Variants in RSBN1L observed in about 807,000 individuals in gnomAD.
RSBN1L encodes the protein round spermatid basic protein 1 like, also known as lysine-specific demethylase RSBN1L.
RSBN1L carries 30 observed loss-of-function variants against 67.7 expected under a neutral mutation model. That is an observed-to-expected ratio of 0.44 (90% confidence interval 0.33 to 0.60). The LOEUF (loss-of-function observed/expected upper bound fraction) is 0.60, where lower values mean the gene tolerates loss of function less well. Among genes scored for constraint, RSBN1L ranks in the 20% least tolerant of loss-of-function variants. The pLI is 0.02. For missense variants in RSBN1L, 992 were observed against 1,031.7 expected, an observed-to-expected ratio of 0.96 and a Z score of 0.53; for synonymous variants, 433 against 387.0, an observed-to-expected ratio of 1.12 and a Z score of -1.39.
chr7:77,727,798 C>T (rs925295711), intron 1 of RSBN1L, among the ~76,000 whole-genome samples: 7 of 152,034 alleles, frequency 4.6e-5, no homozygotes, highest in Non-Finnish European at 1.0e-4. Context: ...AGCTTCTTTC[C>T]TTTTTAATAA....
chr7:77,715,517 C>T (rs1791036707), intron 1 of RSBN1L, among the ~76,000 whole-genome samples: 1 of 151,936 alleles, frequency 6.6e-6, no homozygotes, highest in African/African-American at 2.4e-5. Context: ...CCATGTTGGC[C>T]AGGAAGGTCT....
chr7:77,717,624 A>G (rs1002438231), intron 1 of RSBN1L, among the ~76,000 whole-genome samples: 7 of 152,206 alleles, frequency 4.6e-5, no homozygotes, highest in Admixed American at 1.3e-4. Context: ...CCTCCAAACA[A>G]TGTAGCAGGA....
rs193050468 is a variant in RSBN1L, at chr7:77,736,011, C to T, written c.587-399C>T. On this transcript the variant is annotated intron_variant, in intron 1 of 7. Transcript: ENST00000334955. The stretch of plus-strand genomic sequence containing the variant: ...TGAGGAAGGTATCAATTACCATTTA[C>T]AGATTAGGAAACTGAGATCAAGTAA... 4.6e-3 allele frequency among the ~76,000 whole-genome samples: 696 copies of T among 152,192 alleles called. 3 individuals are homozygous for T. The highest frequency in any genetic ancestry group is 4.8e-3 in the Non-Finnish European group (326 of 67,956).
intron 1 of RSBN1L, among the ~76,000 whole-genome samples, chr7:77,735,625 G>A (rs886367859): frequency 1.3e-5 from 2 of 152,096 alleles, no homozygotes; most frequent in Admixed American, 1.3e-4. Context: ...CACAGTTCTT[G>A]TATACTTCCA....
At chr7:77,726,776 ATTTTT>A (rs35354992) in intron 1 of RSBN1L, among the ~76,000 whole-genome samples, 7 of 112,306 alleles carry the variant, frequency 6.2e-5, no homozygotes, top group Non-Finnish European at 8.7e-5. Flanking sequence ...CACCCAGCTA[ATTTTT>A]TTTTTTTTTT....
chr7:77,764,853 G>A (rs1791741777), intron 3 of RSBN1L, among the ~76,000 whole-genome samples: 1 of 152,074 alleles, frequency 6.6e-6, no homozygotes, highest in Non-Finnish European at 1.5e-5. Flanking sequence ...GGATGGTCTT[G>A]ATCTCCTGAC....
chr7:77,728,261 G>C (rs1160901652), intron 1 of RSBN1L, among the ~76,000 whole-genome samples: 1 of 152,076 alleles, frequency 6.6e-6, no homozygotes, highest in Non-Finnish European at 1.5e-5. Flanking sequence ...ATTTTTGCTT[G>C]TCTGAATATG....
chr7:77,759,573 C>T (rs1791670814), intron 3 of RSBN1L: 1 of 152,084 alleles, frequency 6.6e-6, no homozygotes, highest in Non-Finnish European at 1.5e-5. Context: ...CTCTCCTCCC[C>T]ACCCGCTAAA....
At chr7:77,710,124 C>G (rs1318840679) in intron 1 of RSBN1L, among the ~76,000 whole-genome samples, 2 of 152,180 alleles carry the variant, frequency 1.3e-5, no homozygotes, top group Non-Finnish European at 2.9e-5. Context: ...ACCATTATCT[C>G]TTGCCAGGAT....
rs146851321 is a variant in RSBN1L, at chr7:77,762,799, C to G, written c.1345-2696C>G. Among the ~76,000 whole-genome samples, 1,026 of 152,206 alleles carry G rather than the reference C, an allele frequency of 6.7e-3. 7 individuals are homozygous for G. The highest frequency in any genetic ancestry group is 0.012 in the Non-Finnish European group (795 of 68,018). On this transcript the variant is annotated intron_variant, in intron 3 of 7. Coordinates refer to ENST00000334955, the MANE Select transcript of RSBN1L (RefSeq NM_198467.3). Reference sequence around the variant, plus strand: ...TCTGATTATTATATTATCTCCTACTCTCTATAATTTAATAATGTTATAGTT... The same window carrying G: ...TCTGATTATTATATTATCTCCTACTGTCTATAATTTAATAATGTTATAGTT...
intron 1 of RSBN1L, among the ~76,000 whole-genome samples, chr7:77,699,796 ATTTT>A (rs374246949): frequency 7.0e-6 from 1 of 142,692 alleles, no homozygotes; most frequent in Non-Finnish European, 1.5e-5. Flanking sequence ...AACAGTTTAG[ATTTT>A]TTTTTTTTTT....
At chr7:77,707,587 A>G (rs912025281) in intron 1 of RSBN1L, among the ~76,000 whole-genome samples, 1 of 152,212 alleles carries the variant, frequency 6.6e-6, no homozygotes, top group Admixed American at 6.5e-5. Flanking sequence ...TATAGAAAGC[A>G]GATGTCCTGG....
intron 1 of RSBN1L, among the ~76,000 whole-genome samples, chr7:77,727,850 G>T (rs1008230915): frequency 1.3e-5 from 2 of 152,092 alleles, no homozygotes; most frequent in African/African-American, 4.8e-5. Context: ...TGCTTATAAT[G>T]ACTCTGCAAA....
Position 77,778,637 on chromosome 7 carries a change from T to C in RSBN1L, c.2010T>C (p.Asn670=). 2 of 1,614,108 alleles carry C rather than the reference T, an allele frequency of 1.2e-6. No individual in the cohort carries two copies. Among genetic ancestry groups the C allele is most frequent in the Non-Finnish European group, 1.7e-6 (2 of 1,180,008 alleles). The change falls in exon 8 of 8, where the codon AAT becomes AAC. Residue 670 remains asparagine, a synonymous_variant. Coordinates refer to ENST00000334955, the MANE Select transcript of RSBN1L (RefSeq NM_198467.3). Reference sequence around the variant, plus strand: ...ATGACATTTATTTTATTCCAAGGAATGTTGTTCATCAGTTCAAGACAGTTT... The same window carrying C: ...ATGACATTTATTTTATTCCAAGGAACGTTGTTCATCAGTTCAAGACAGTTT... ...YDNDIYFIPR[N]VVHQFKTVSA...
chr7:77,732,741 G>T (rs1320211127), intron 1 of RSBN1L, among the ~76,000 whole-genome samples: 1 of 152,148 alleles, frequency 6.6e-6, no homozygotes, highest in Non-Finnish European at 1.5e-5. Context: ...TGGGATTATG[G>T]ATACCAATAT....
chr7:77,697,686 C>A (rs1056364064), intron 1 of RSBN1L, among the ~76,000 whole-genome samples: 1 of 152,192 alleles, frequency 6.6e-6, no homozygotes, highest in Non-Finnish European at 1.5e-5. Flanking sequence ...TGAAATACCA[C>A]CCTTCTGAAA....
chr7:77,703,102 ATTCAT>A (rs1012437272), intron 1 of RSBN1L, among the ~76,000 whole-genome samples: 1 of 152,196 alleles, frequency 6.6e-6, no homozygotes, highest in Non-Finnish European at 1.5e-5. Flanking sequence ...AAGTCTTGTC[ATTCAT>A]TTCATAAGTT....
At chr7:77,775,745 A>G (rs1024463566) in intron 6 of RSBN1L, among the ~76,000 whole-genome samples, 3 of 152,202 alleles carry the variant, frequency 2.0e-5, no homozygotes, top group Middle Eastern at 3.4e-3. Context: ...ATGAATTTTT[A>G]TATGTCCACT....
chr7:77,703,217 C>T (rs1038965171), intron 1 of RSBN1L, among the ~76,000 whole-genome samples: 1 of 152,156 alleles, frequency 6.6e-6, no homozygotes, highest in African/African-American at 2.4e-5. Context: ...TTACTGAGGA[C>T]CATACCTCTT....
Sources: gnomAD v4.1 joint callset for allele counts (sites outside exome capture counted in the v4.1 genomes callset) on GRCh38, gnomAD v4.1.1 for gene constraint, MANE v1.5 for transcripts, NCBI Gene and HGNC (gene_info 2026-07-23, HGNC 2026-07-21) for gene names.